The following NELL1 variants were observed in gnomAD, a reference collection of about 807,000 sequenced individuals.
The protein encoded by NELL1 is neural EGFL like 1, also known as protein kinase C-binding protein NELL1.
Under a neutral mutation model 107.4 loss-of-function variants are expected in NELL1, and 76 were observed. That is an observed-to-expected ratio of 0.71 (90% CI 0.59 to 0.86). The LOEUF is 0.86. Among genes scored for constraint, NELL1 ranks in the 40% least tolerant of loss-of-function variants. NELL1 has a pLI of 0.00. For synonymous variants in NELL1, 353 were observed against 341.2 expected (o/e 1.03, Z -0.38); for missense variants, 1,024 against 1,005.5 (o/e 1.02, Z -0.25).
intron 15 of NELL1, among the ~76,000 whole-genome samples, chr11:21,487,274 A>C (rs1248824467): frequency 6.6e-6 from 1 of 152,202 alleles, no homozygotes; most frequent in East Asian, 1.9e-4. Flanking sequence ...GGGATTTCTC[A>C]GCACAATGCA....
At chr11:20,900,876 C>G (rs1226166170) in intron 5 of NELL1, among the ~76,000 whole-genome samples, 1 of 151,834 alleles carries the variant, frequency 6.6e-6, no homozygotes, top group Non-Finnish European at 1.5e-5. Context: ...AGAAAAAAAT[C>G]CAATGGTCTT....
intron 11 of NELL1, among the ~76,000 whole-genome samples, chr11:20,951,502 G>A (rs7937439): frequency 0.023 from 3,508 of 152,032 alleles, 132 homozygotes; most frequent in African/African-American, 0.081. Flanking sequence ...TCAACAAACT[G>A]GTCTCCAAGC....
intron 14 of NELL1, among the ~76,000 whole-genome samples, chr11:21,291,295 A>G (rs1273044095): frequency 2.6e-5 from 4 of 152,206 alleles, no homozygotes; most frequent in Non-Finnish European, 5.9e-5. Flanking sequence ...GAAACCAATG[A>G]GAGCAAAGAC....
intron 7 of NELL1, among the ~76,000 whole-genome samples, chr11:20,921,473 A>C (rs992523706): frequency 6.6e-6 from 1 of 152,122 alleles, no homozygotes; most frequent in Non-Finnish European, 1.5e-5. Flanking sequence ...AAACTCAGGT[A>C]GTTAGATCCT....
rs181998694 is a variant in NELL1, at chr11:20,721,373, G to T, written c.184+43313G>T. On this transcript the variant is annotated intron_variant, in intron 2 of 19. Transcript: ENST00000357134. Reference sequence around the variant, plus strand: ...ATCTCAGTGACATACAATATCAAGAGTTTATTTCTTGCTTGTAATACATGT... The same window carrying T: ...ATCTCAGTGACATACAATATCAAGATTTTATTTCTTGCTTGTAATACATGT... 1.2e-3 allele frequency among the ~76,000 whole-genome samples: 176 copies of T among 151,992 alleles called. 1 individual carries two copies. Among genetic ancestry groups the T allele is most frequent in the African/African-American group, 4.1e-3 (168 of 41,438 alleles).
chr11:21,538,675 A>T (rs1856209111), intron 16 of NELL1, among the ~76,000 whole-genome samples: 1 of 152,128 alleles, frequency 6.6e-6, no homozygotes, highest in African/African-American at 2.4e-5. Context: ...GGAGTCAGTG[A>T]TTCTCAGTTT....
chr11:21,468,716 C>A (rs1210309293), intron 15 of NELL1, among the ~76,000 whole-genome samples: 1 of 152,036 alleles, frequency 6.6e-6, no homozygotes, highest in Non-Finnish European at 1.5e-5. Flanking sequence ...TCAGAAGTTA[C>A]ACCTGGGAAG....
At chr11:21,068,485 A>G (rs574040487) in intron 12 of NELL1, among the ~76,000 whole-genome samples, 4 of 152,334 alleles carry the variant, frequency 2.6e-5, no homozygotes, top group Admixed American at 2.0e-4. Flanking sequence ...GAATCCACTG[A>G]GTGGCCTGGA....
At chr11:21,157,149 G>GTATATATA (rs148360732) in intron 13 of NELL1, among the ~76,000 whole-genome samples, 1 of 147,440 alleles carries the variant, frequency 6.8e-6, no homozygotes, top group African/African-American at 2.5e-5. Context: ...GAATGTGTAT[G>GTATATATA]TATATATATA....
At chr11:21,337,791 T>TCTTTCTTTCTTTC (rs1555006161) in intron 14 of NELL1, among the ~76,000 whole-genome samples, 1 of 109,552 alleles carries the variant, frequency 9.1e-6, no homozygotes, top group African/African-American at 3.6e-5. Flanking sequence ...TTTCTTTCTT[T>TCTTTCTTTCTTTC]CTTTCCTTCT....
chr11:20,852,081 C>G (rs764180776), intron 4 of NELL1, among the ~76,000 whole-genome samples: 3 of 152,198 alleles, frequency 2.0e-5, no homozygotes, highest in Non-Finnish European at 4.4e-5. Flanking sequence ...GCATCCCTAC[C>G]CTGTGTTAAC....
At chr11:21,157,017 G>A (rs995347805) in intron 13 of NELL1, among the ~76,000 whole-genome samples, 3 of 151,794 alleles carry the variant, frequency 2.0e-5, no homozygotes, top group African/African-American at 4.8e-5. Context: ...CATGAGAATC[G>A]CTGTAACCCA....
intron 14 of NELL1, among the ~76,000 whole-genome samples, chr11:21,274,412 A>G (rs111271544): frequency 6.6e-6 from 1 of 152,300 alleles, no homozygotes; most frequent in African/African-American, 2.4e-5. Flanking sequence ...GTCCTTAGAG[A>G]CCTACAAAGA....
At chr11:21,210,364 T>C (rs1018101391) in intron 13 of NELL1, among the ~76,000 whole-genome samples, 3 of 152,152 alleles carry the variant, frequency 2.0e-5, no homozygotes, top group African/African-American at 7.2e-5. Flanking sequence ...ATCCAAGGGC[T>C]CCAATTCCTC....
In NELL1 at chr11:21,318,886, G is replaced by C. The variant is rs772535529; in HGVS notation, c.1550-51967G>C. ...TTAAAATCCCGACTCTAGTTCTTCCGAGCTGTGTGACTAACCATAGTAAAT... is the reference window on the plus strand; with the variant it reads ...TTAAAATCCCGACTCTAGTTCTTCCCAGCTGTGTGACTAACCATAGTAAAT... On this transcript the variant is annotated intron_variant, in intron 14 of 19. Transcript: ENST00000357134. Among the ~76,000 whole-genome samples the C allele has an allele frequency of 4.1e-4, 62 of 152,068 alleles. 2 individuals carry two copies. Among genetic ancestry groups the C allele is most frequent in the African/African-American group, 1.4e-3 (56 of 41,428 alleles).
intron 2 of NELL1, among the ~76,000 whole-genome samples, chr11:20,741,573 G>A (rs1855890679): frequency 6.6e-6 from 1 of 152,124 alleles, no homozygotes; most frequent in African/African-American, 2.4e-5. Context: ...GAACATCATG[G>A]TGTTTCTTTT....
At chr11:21,420,157 T>G (rs1852626657) in intron 15 of NELL1, among the ~76,000 whole-genome samples, 1 of 152,068 alleles carries the variant, frequency 6.6e-6, no homozygotes, top group Non-Finnish European at 1.5e-5. Flanking sequence ...CTATTGAAAA[T>G]GTAGTTATTA....
intron 14 of NELL1, among the ~76,000 whole-genome samples, chr11:21,271,571 T>C (rs1287077530): frequency 6.6e-6 from 1 of 152,168 alleles, no homozygotes; most frequent in Admixed American, 6.5e-5. Flanking sequence ...ATACAAATTC[T>C]CCACAATCTC....
At chr11:20,936,101 G>A (rs1371365092) in intron 9 of NELL1, among the ~76,000 whole-genome samples, 2 of 152,166 alleles carry the variant, frequency 1.3e-5, no homozygotes, top group Admixed American at 1.3e-4. Context: ...GAAGGAAGAA[G>A]AATTGGGCAG....
Sources: allele counts gnomAD v4.1 joint callset (sites outside exome capture counted in the v4.1 genomes callset), GRCh38; gene constraint gnomAD v4.1.1; transcripts MANE v1.5; gene names NCBI Gene and HGNC (gene_info 2026-07-23, HGNC 2026-07-21).